Variants in COX7B2 observed in about 807,000 individuals in gnomAD.
COX7B2 encodes the protein cytochrome c oxidase subunit 7B2, also known as cytochrome c oxidase subunit 7B2, mitochondrial.
For missense variants in COX7B2, 109 were observed against 95.9 expected, an observed-to-expected ratio of 1.14 and a Z score of -0.57; for synonymous variants, 37 against 32.1, an observed-to-expected ratio of 1.15 and a Z score of -0.51.
At chr4:46,794,825 A>T (rs1244877767) in intron 2 of COX7B2, among the ~76,000 whole-genome samples, 7 of 152,168 alleles carry the variant, frequency 4.6e-5, no homozygotes, top group African/African-American at 7.2e-5. Flanking sequence ...TAGAATAGAA[A>T]ATAGTAGGAG....
intron 2 of COX7B2, among the ~76,000 whole-genome samples, chr4:46,785,446 T>C (rs1238927079): frequency 6.6e-6 from 1 of 151,332 alleles, no homozygotes; most frequent in African/African-American, 2.4e-5. Flanking sequence ...CAATCTCAGC[T>C]CACTGCAAGC....
chr4:46,849,192 A>C (rs1266998561), intron 1 of COX7B2, among the ~76,000 whole-genome samples: 1 of 152,068 alleles, frequency 6.6e-6, no homozygotes, highest in Non-Finnish European at 1.5e-5. Flanking sequence ...TGCTAGTAAT[A>C]CAACTCTGCC....
chr4:46,880,796 G>A (rs1308813374), intron 1 of COX7B2, among the ~76,000 whole-genome samples: 10 of 135,164 alleles, frequency 7.4e-5, no homozygotes, highest in Non-Finnish European at 1.2e-4. Context: ...TGAACAATGA[G>A]ATCACATGGA....
At chr4:46,881,893 G>GTTA (rs1718770991) in intron 1 of COX7B2, among the ~76,000 whole-genome samples, 1 of 152,018 alleles carries the variant, frequency 6.6e-6, no homozygotes, top group Non-Finnish European at 1.5e-5. Flanking sequence ...ATGTTACACT[G>GTTA]TTAACCTGAG....
At chr4:46,865,862 C>A (rs1228108013) in intron 1 of COX7B2, among the ~76,000 whole-genome samples, 1 of 152,150 alleles carries the variant, frequency 6.6e-6, no homozygotes, top group East Asian at 1.9e-4. Flanking sequence ...GTCTCTGGAC[C>A]TCGTAATTAA....
chr4:46,883,125 C>CAT (rs1718854151), intron 1 of COX7B2, among the ~76,000 whole-genome samples: 2 of 152,122 alleles, frequency 1.3e-5, no homozygotes, highest in South Asian at 4.1e-4. Flanking sequence ...AAGACTGAAT[C>CAT]ATAGGTAAAG....
intron 2 of COX7B2, among the ~76,000 whole-genome samples, chr4:46,815,560 TA>T (rs1286759486): frequency 6.6e-6 from 1 of 152,048 alleles, no homozygotes; most frequent in East Asian, 1.9e-4. Flanking sequence ...TAACTGTAAA[TA>T]AAAGAAGTTT....
chr4:46,767,614 C>G (rs1424436638), intron 2 of COX7B2, among the ~76,000 whole-genome samples: 1 of 151,988 alleles, frequency 6.6e-6, no homozygotes, highest in African/African-American at 2.4e-5. Context: ...AAAAAAGTCT[C>G]AACAAATTTA....
At chr4:46,820,439 G>A (rs1486372158) in intron 2 of COX7B2, among the ~76,000 whole-genome samples, 1 of 152,180 alleles carries the variant, frequency 6.6e-6, no homozygotes, top group Admixed American at 6.5e-5. Context: ...CTGCAGTGCA[G>A]CCTAGTTCCT....
chr4:46,805,202 C>T (rs575742094), intron 2 of COX7B2, among the ~76,000 whole-genome samples: 56 of 152,320 alleles, frequency 3.7e-4, no homozygotes, highest in African/African-American at 1.0e-3. Context: ...CTGAGGGAGC[C>T]GGCTCTGGCC....
rs553658444 is a variant in COX7B2, at chr4:46,791,051, G to A, written c.-50+53909C>T. On this transcript the variant is annotated intron_variant, in intron 2 of 2. Transcript: ENST00000355591. ...ATCTTGCTCTGCCACCCAGGCTGGA[G>A]TGCAGTGGCGCGATCTCGGCTCACT... Among the ~76,000 whole-genome samples the A allele has an allele frequency of 1.2e-3, 187 of 152,282 alleles. 1 individual carries two copies. Among genetic ancestry groups the A allele is most frequent in the African/African-American group, 4.3e-3 (177 of 41,570 alleles).
intron 2 of COX7B2, among the ~76,000 whole-genome samples, chr4:46,760,083 A>G (rs1369212074): frequency 1.3e-5 from 2 of 152,062 alleles, no homozygotes; most frequent in African/African-American, 2.4e-5. Flanking sequence ...CTGACAAATA[A>G]AAGCAATATA....
At chr4:46,768,533 T>C (rs1243804031) in intron 2 of COX7B2, among the ~76,000 whole-genome samples, 1 of 152,140 alleles carries the variant, frequency 6.6e-6, no homozygotes, top group Non-Finnish European at 1.5e-5. Flanking sequence ...TTTAGGGCCA[T>C]AGGTCTATGC....
At chr4:46,817,668 A>G (rs990506036) in intron 2 of COX7B2, among the ~76,000 whole-genome samples, 9 of 152,232 alleles carry the variant, frequency 5.9e-5, no homozygotes, top group Admixed American at 1.3e-4. Flanking sequence ...AGGAAACATG[A>G]TAAAGTGAAT....
At chr4:46,750,801 G>A (rs1298874996) in intron 2 of COX7B2, among the ~76,000 whole-genome samples, 3 of 152,220 alleles carry the variant, frequency 2.0e-5, no homozygotes, top group Middle Eastern at 3.4e-3. Flanking sequence ...CCAGCTTCTC[G>A]TCATGTCCTC....
chr4:46,893,770 T>C (rs1290757540), intron 1 of COX7B2, among the ~76,000 whole-genome samples: 1 of 152,070 alleles, frequency 6.6e-6, no homozygotes, highest in Non-Finnish European at 1.5e-5. Context: ...ATCTTTCTCT[T>C]CTCTCTACAG....
At chr4:46,860,886 C>T (rs1577668196) in intron 1 of COX7B2, among the ~76,000 whole-genome samples, 1 of 152,186 alleles carries the variant, frequency 6.6e-6, no homozygotes, top group African/African-American at 2.4e-5. Context: ...TTGGCCCCAA[C>T]GTGGTCTTTG....
intron 1 of COX7B2, among the ~76,000 whole-genome samples, chr4:46,860,452 C>A (rs968906617): frequency 9.9e-5 from 15 of 152,106 alleles, no homozygotes; most frequent in African/African-American, 3.4e-4. Context: ...CAAACCCTCC[C>A]AAGCTTGGGA....
intron 2 of COX7B2, among the ~76,000 whole-genome samples, chr4:46,741,219 A>T (rs1714684062): frequency 6.6e-6 from 1 of 152,126 alleles, no homozygotes; most frequent in Admixed American, 6.5e-5. Flanking sequence ...ACTCTTAAAT[A>T]GTTCAGAGGA....
Sources: gnomAD v4.1 joint callset for allele counts (sites outside exome capture counted in the v4.1 genomes callset) on GRCh38, gnomAD v4.1.1 for gene constraint, MANE v1.5 for transcripts, NCBI Gene and HGNC (gene_info 2026-07-23, HGNC 2026-07-21) for gene names.